NOS1: variants seen among roughly 807,000 people sequenced by gnomAD.
NOS1 encodes the protein nitric oxide synthase 1.
Under a neutral mutation model 164.5 loss-of-function variants are expected in NOS1, and 51 were observed. The ratio of observed to expected loss-of-function variants is 0.31; its 90% CI spans 0.25 to 0.39. The LOEUF is 0.39. Among genes scored for constraint, NOS1 ranks in the 10% least tolerant of loss-of-function variants. The pLI is 1.00. For missense variants in NOS1, 1,362 were observed against 1,885.6 expected (o/e 0.72, Z 5.14); for synonymous variants, 719 against 745.8 (o/e 0.96, Z 0.59).
At chr12:117,275,440 T>TA (rs942080813) in intron 9 of NOS1, among the ~76,000 whole-genome samples, 9 of 151,566 alleles carry the variant, frequency 5.9e-5, no homozygotes, top group African/African-American at 9.7e-5. Context: ...AGGTAGAAGC[T>TA]ACAAAAAAAG....
intron 7 of NOS1, among the ~76,000 whole-genome samples, chr12:117,283,573 G>C (rs1873860722): frequency 6.6e-6 from 1 of 152,118 alleles, no homozygotes; most frequent in Non-Finnish European, 1.5e-5. Flanking sequence ...ACTACCAGAA[G>C]AGACTAGGCG....
At chr12:117,247,956 AAAAAG>A (rs1297285756) in intron 17 of NOS1, among the ~76,000 whole-genome samples, 1 of 150,640 alleles carries the variant, frequency 6.6e-6, no homozygotes, top group East Asian at 1.9e-4. Context: ...AAAAAAAAAA[AAAAAG>A]AAAAGAAAAA....
chr12:117,347,080 A>G (rs1876388606), intron 1 of NOS1, among the ~76,000 whole-genome samples: 1 of 152,146 alleles, frequency 6.6e-6, no homozygotes, highest in Non-Finnish European at 1.5e-5. Flanking sequence ...TGAGGTCAGA[A>G]GTTGAAGACG....
At position 117,290,424 on chromosome 12, in the gene NOS1, G is replaced by A; in HGVS notation, c.855C>T (p.Pro285=). The stretch of plus-strand genomic sequence containing the variant: ...TGGGGGACTGTTTTCCTGAGGTGGG[G>A]GGCTGCAGGAGAGAATGAAGGTGGA... ...LNNPYSEKEQ[P]PTSGKQSPTK... Residue 285 remains proline (P), a splice_region_variant and synonymous_variant, in exon 4 of 29, where the codon CCC becomes CCT. Coordinates refer to ENST00000317775, the MANE Select transcript of NOS1 (RefSeq NM_000620.5). 6.2e-7 allele frequency: 1 copy of A among 1,611,318 alleles called. No individual in the cohort carries two copies. The highest frequency in any genetic ancestry group is 8.5e-7 in the Non-Finnish European group (1 of 1,178,612).
chr12:117,324,426 A>G (rs1167859801), intron 2 of NOS1, among the ~76,000 whole-genome samples: 1 of 152,152 alleles, frequency 6.6e-6, no homozygotes, highest in African/African-American at 2.4e-5. Flanking sequence ...TCTTACACGC[A>G]GCATTTTAAA....
chr12:117,264,163 C>T (rs1427247321), intron 12 of NOS1, among the ~76,000 whole-genome samples, 189 bp from the exon 13 acceptor site: 1 of 151,778 alleles, frequency 6.6e-6, no homozygotes, highest in Non-Finnish European at 1.5e-5. Flanking sequence ...GGGTCCTTGC[C>T]CAGTGGGTGG....
At chr12:117,248,273 G>A (rs1186368890) in intron 17 of NOS1, among the ~76,000 whole-genome samples, 2 of 151,658 alleles carry the variant, frequency 1.3e-5, no homozygotes, top group East Asian at 3.9e-4. Context: ...GTATACATGT[G>A]CCATGCTGGT....
At chr12:117,215,418 C>G (rs1288743222) in intron 28 of NOS1, 94 bp from the exon 29 acceptor site, 7 of 1,351,276 alleles carry the variant, frequency 5.2e-6, no homozygotes, top group Non-Finnish European at 6.8e-6. Flanking sequence ...ATGCTCTGGG[C>G]TCAGGGGCTT....
chr12:117,254,272 T>C (rs1871288955), intron 16 of NOS1, among the ~76,000 whole-genome samples: 1 of 152,156 alleles, frequency 6.6e-6, no homozygotes, highest in Non-Finnish European at 1.5e-5. Flanking sequence ...CATGCTCAGC[T>C]AATTTTGCAT....
At chr12:117,331,795 T>G (rs970643787) in intron 1 of NOS1, among the ~76,000 whole-genome samples, 11 of 151,980 alleles carry the variant, frequency 7.2e-5, no homozygotes, top group African/African-American at 2.7e-4. Flanking sequence ...TCAAAAGACC[T>G]CTCTTATCTC....
At position 117,248,443 on chromosome 12, in the gene NOS1, G is replaced by A. The variant is rs568599619; in HGVS notation, c.2649-921C>T. On this transcript the variant is annotated intron_variant, in intron 17 of 28. Coordinates refer to ENST00000317775, the MANE Select transcript of NOS1 (RefSeq NM_000620.5). ...TTCCCACCTATGAGTGAGAATATGC[G>A]GTGTTTGGTTTTTTGTTCTTGAGAT... 1.8e-4 allele frequency among the ~76,000 whole-genome samples: 27 copies of A among 151,560 alleles called. 2 individuals carry two copies. Among genetic ancestry groups the A allele is most frequent in the African/African-American group, 3.6e-4 (15 of 41,152 alleles).
chr12:117,310,351 G>C (rs36020061), intron 3 of NOS1, among the ~76,000 whole-genome samples: 20,893 of 152,210 alleles, frequency 0.14, 1,663 homozygotes, highest in East Asian at 0.26. Context: ...GATGATCACA[G>C]AATGAAATAT....
Position 117,209,837 on chromosome 12 carries a change from G to C in NOS1, c.*5472C>G. ...CCAAGGATAGGGAGTGTGAGATAAA[G>C]GGCAGAGGCCAGGCCAGGTTGGCCT... is the stretch of plus-strand genomic sequence containing the variant. On this transcript the variant is annotated 3_prime_UTR_variant, in exon 29 of 29. Transcript: ENST00000317775. 2.0e-6 allele frequency: 2 copies of C among 985,496 alleles called. No homozygotes were observed. Among genetic ancestry groups the C allele is most frequent in the Non-Finnish European group, 2.4e-6 (2 of 829,958 alleles). The allele number at this position is 985,496 out of a possible 1,614,324, so 61.0% of individuals were successfully genotyped here.
In NOS1 at chr12:117,266,763, C is replaced by G. The variant is rs1414471636; in HGVS notation, c.1942-1253G>C. The stretch of plus-strand genomic sequence containing the variant: ...ATGTTGGCCAGGCTGCTCTTGAACT[C>G]CTGACCTCAAATGATCCACCCTCCT... On this transcript the variant is annotated intron_variant, in intron 11 of 28. Transcript: ENST00000317775. Among the ~76,000 whole-genome samples, 7 of 152,054 alleles carry G rather than the reference C, an allele frequency of 4.6e-5. No homozygotes were observed. The South Asian group carries it at 1.5e-3, about 32-fold the overall frequency.
chr12:117,209,870 C>A lies in NOS1; in HGVS notation c.*5439G>T. The A allele has an allele frequency of 1.0e-6, 1 of 985,522 alleles. No individual in the cohort carries two copies. Among genetic ancestry groups the A allele is most frequent in the Non-Finnish European group, 1.2e-6 (1 of 829,984 alleles). 61.0% of individuals were successfully genotyped at this position (985,522 alleles called of 1,614,324 possible). A position where few individuals can be genotyped will look rare whatever the true frequency, so the allele number is the denominator to read the frequency against. On this transcript the variant is annotated 3_prime_UTR_variant, in exon 29 of 29. Transcript: ENST00000317775. The stretch of plus-strand genomic sequence containing the variant: ...GCCAGGCCAGGTTGGCCTCCAAAGT[C>A]AAATCCCTGTTCATGGGGAACATCT...
intron 1 of NOS1, among the ~76,000 whole-genome samples, chr12:117,357,790 T>A (rs887891748): frequency 6.6e-6 from 1 of 152,190 alleles, no homozygotes; most frequent in Non-Finnish European, 1.5e-5. Flanking sequence ...ATGTTTGGCG[T>A]TCGCTGGATT....
intron 1 of NOS1, among the ~76,000 whole-genome samples, chr12:117,350,360 A>G (rs1876560259): frequency 6.6e-6 from 1 of 152,148 alleles, no homozygotes; most frequent in African/African-American, 2.4e-5. Context: ...TTGACTGCAC[A>G]CCAAAGCTAT....
Position 117,222,578 on chromosome 12 carries a change from G to A in NOS1, c.3975+137C>T, listed in dbSNP as rs113588497. On this transcript the variant is annotated intron_variant, in intron 26 of 28. Coordinates refer to ENST00000317775, the MANE Select transcript of NOS1 (RefSeq NM_000620.5). ...TTACATAGATATTTTCCCTACCCAT[G>A]CTTTCTGAAGTACAGAGCAACTTCA... The A allele has an allele frequency of 2.9e-5, 23 of 783,512 alleles. No homozygotes were observed. In the African/African-American group the frequency reaches 3.1e-4, roughly 11 times the overall value. 48.5% of individuals were successfully genotyped at this position (783,512 alleles called of 1,614,324 possible).
intron 22 of NOS1, among the ~76,000 whole-genome samples, chr12:117,229,273 C>T (rs1868979973): frequency 6.6e-6 from 1 of 152,176 alleles, no homozygotes; most frequent in African/African-American, 2.4e-5. Context: ...AGGCTGCTCC[C>T]TGCCAATGAC....
Sources: gnomAD v4.1 joint callset for allele counts (sites outside exome capture counted in the v4.1 genomes callset) on GRCh38, gnomAD v4.1.1 for gene constraint, MANE v1.5 for transcripts, NCBI Gene and HGNC (gene_info 2026-07-23, HGNC 2026-07-21) for gene names.